Variants in IQCM observed in about 807,000 individuals in gnomAD.
IQCM encodes the protein IQ domain-containing protein M.
Under a neutral mutation model 57.6 loss-of-function variants are expected in IQCM, and 45 were observed. The ratio of observed to expected loss-of-function variants is 0.78; its 90% confidence interval spans 0.62 to 1.00. IQCM has a LOEUF of 1.00. IQCM is among the 50% of genes least tolerant of loss of function. The pLI is 0.00. For synonymous variants in IQCM, 148 were observed against 158.9 expected (o/e 0.93, Z 0.51); for missense variants, 468 against 511.6 (o/e 0.91, Z 0.82).
chr4:149,490,499 T>C (rs1291694204), intron 12 of IQCM, among the ~76,000 whole-genome samples: 2 of 152,090 alleles, frequency 1.3e-5, no homozygotes, highest in Non-Finnish European at 2.9e-5. Flanking sequence ...ATAAAAAACA[T>C]ACTATGAGCC....
At chr4:149,455,455 C>T (rs574964483) in intron 12 of IQCM, among the ~76,000 whole-genome samples, 9 of 152,178 alleles carry the variant, frequency 5.9e-5, no homozygotes, top group Middle Eastern at 3.4e-3. Flanking sequence ...CATGTATTTA[C>T]GACCACCTTC....
At chr4:149,507,571 C>T (rs751647437) in intron 12 of IQCM, among the ~76,000 whole-genome samples, 3 of 152,076 alleles carry the variant, frequency 2.0e-5, no homozygotes, top group Non-Finnish European at 2.9e-5. Flanking sequence ...GAACTTTGAA[C>T]TTGAGAGAGA....
intron 8 of IQCM, among the ~76,000 whole-genome samples, chr4:149,590,490 T>C (rs901586413): frequency 1.3e-5 from 2 of 151,942 alleles, no homozygotes; most frequent in African/African-American, 4.8e-5. Flanking sequence ...CTGGGATACA[T>C]GTACAGAACG....
At chr4:149,641,325 A>T (rs956785274) in intron 7 of IQCM, among the ~76,000 whole-genome samples, 2 of 152,202 alleles carry the variant, frequency 1.3e-5, no homozygotes, top group African/African-American at 4.8e-5. Flanking sequence ...GGATATTACA[A>T]TCACCCACAA....
At chr4:149,605,373 T>C (rs1020432557) in intron 8 of IQCM, among the ~76,000 whole-genome samples, 1 of 152,200 alleles carries the variant, frequency 6.6e-6, no homozygotes, top group African/African-American at 2.4e-5. Context: ...TGGGTGGGAC[T>C]GTGATGTGGT....
At chr4:149,705,481 G>A (rs1217559432) in intron 5 of IQCM, among the ~76,000 whole-genome samples, 7 of 151,604 alleles carry the variant, frequency 4.6e-5, no homozygotes, top group Admixed American at 1.3e-4. Flanking sequence ...CCATCAGAGG[G>A]TAGGTATCTC....
chr4:149,805,270 G>A (rs1448098257), intron 2 of IQCM, among the ~76,000 whole-genome samples: 2 of 151,828 alleles, frequency 1.3e-5, no homozygotes, highest in African/African-American at 4.8e-5. Flanking sequence ...TTATTTCTTG[G>A]AAATGCTTTT....
At chr4:149,707,466 T>C (rs544749863) in intron 5 of IQCM, among the ~76,000 whole-genome samples, 2 of 152,110 alleles carry the variant, frequency 1.3e-5, no homozygotes, top group Admixed American at 1.3e-4. Flanking sequence ...CTGCCACGAA[T>C]GTGAGGCTCT....
intron 9 of IQCM, among the ~76,000 whole-genome samples, chr4:149,575,650 G>A (rs576620172): frequency 1.7e-3 from 252 of 151,790 alleles, no homozygotes; most frequent in Non-Finnish European, 2.8e-3. Context: ...CTGTTTCTAG[G>A]TCTACGGAAA....
intron 12 of IQCM, among the ~76,000 whole-genome samples, chr4:149,484,769 T>C (rs529699373): frequency 5.8e-4 from 89 of 152,160 alleles, no homozygotes; most frequent in African/African-American, 2.0e-3. Context: ...TACTATTCTG[T>C]TATTCTGTGT....
chr4:149,566,729 A>G (rs1750668950), intron 9 of IQCM, among the ~76,000 whole-genome samples: 1 of 152,234 alleles, frequency 6.6e-6, no homozygotes, highest in African/African-American at 2.4e-5. Context: ...AATGAATTTT[A>G]TCTTAGGTCT....
At chr4:149,770,010 C>CA (rs1770420579) in intron 2 of IQCM, among the ~76,000 whole-genome samples, 1 of 150,278 alleles carries the variant, frequency 6.7e-6, no homozygotes, top group East Asian at 1.9e-4. Flanking sequence ...CAGAAATCAA[C>CA]AAAAAAGAAA....
intron 10 of IQCM, among the ~76,000 whole-genome samples, chr4:149,553,510 T>C (rs1471809724): frequency 6.6e-6 from 1 of 152,210 alleles, no homozygotes; most frequent in South Asian, 2.1e-4. Context: ...ATACTTCCCA[T>C]AGAATAGAGC....
intron 8 of IQCM, among the ~76,000 whole-genome samples, chr4:149,610,618 G>T (rs994222526): frequency 2.6e-5 from 4 of 151,902 alleles, no homozygotes; most frequent in African/African-American, 4.8e-5. Context: ...CACGGCCTGG[G>T]AAAATAACAG....
At chr4:149,710,464 G>T (rs1764476247) in intron 5 of IQCM, among the ~76,000 whole-genome samples, 1 of 152,100 alleles carries the variant, frequency 6.6e-6, no homozygotes. Flanking sequence ...GCCCAGCAAA[G>T]TAATCATGCC....
At chr4:149,360,704 G>A (rs1209627396) in intron 13 of IQCM, among the ~76,000 whole-genome samples, 1 of 152,140 alleles carries the variant, frequency 6.6e-6, no homozygotes. Flanking sequence ...CATGTAAGAA[G>A]TGCCATTCAC....
At chr4:149,561,769 T>C (rs1004765983) in intron 10 of IQCM, among the ~76,000 whole-genome samples, 3 of 151,974 alleles carry the variant, frequency 2.0e-5, no homozygotes, top group African/African-American at 7.3e-5. Context: ...AAATAAAGAG[T>C]ACGTACTTCC....
At chr4:149,487,479 C>T (rs996168827) in intron 12 of IQCM, among the ~76,000 whole-genome samples, 1 of 152,142 alleles carries the variant, frequency 6.6e-6, no homozygotes, top group Admixed American at 6.5e-5. Flanking sequence ...TGTCTCTAAG[C>T]TCAGCCTGGC....
At chr4:149,629,653 T>C (rs1445489738) in intron 7 of IQCM, among the ~76,000 whole-genome samples, 1 of 152,046 alleles carries the variant, frequency 6.6e-6, no homozygotes, top group Non-Finnish European at 1.5e-5. Context: ...TTCCAAATGT[T>C]TTGCAATTAA....
Sources: allele counts gnomAD v4.1 joint callset (sites outside exome capture counted in the v4.1 genomes callset), GRCh38; gene constraint gnomAD v4.1.1; transcripts MANE v1.5; gene names NCBI Gene and HGNC (gene_info 2026-07-23, HGNC 2026-07-21).